Variants in ALDH6A1 observed in about 807,000 individuals in gnomAD.
ALDH6A1 encodes aldehyde dehydrogenase 6 family member A1, also known as methylmalonate-semialdehyde/malonate-semialdehyde dehydrogenase [acylating], mitochondrial.
A neutral mutation model predicts 62.6 loss-of-function variants in ALDH6A1; 43 were observed. The observed-to-expected ratio is 0.69, with a 90% confidence interval of 0.54 to 0.89. The LOEUF (loss-of-function observed/expected upper bound fraction) is 0.89, where lower values mean the gene tolerates loss of function less well. Among genes scored for constraint, ALDH6A1 ranks in the 40% least tolerant of loss-of-function variants. The probability of loss-of-function intolerance (pLI) is 0.00; values close to 1 mark genes in which losing one functional copy is unlikely to be tolerated. For synonymous variants in ALDH6A1, 194 were observed against 234.2 expected (o/e 0.83, Z 1.57); for missense variants, 551 against 661.3 (o/e 0.83, Z 1.83).
chr14:74,078,162 C>T (rs1256300625), intron 1 of ALDH6A1: 1 of 454,908 alleles, frequency 2.2e-6, no homozygotes, highest in Non-Finnish European at 4.4e-6. Context: ...TCCTCTTGTA[C>T]TTTCAGGAGC....
intron 2 of ALDH6A1, 22 bp downstream of exon 2, chr14:74,074,933 C>T (rs749823746): frequency 1.6e-5 from 26 of 1,611,796 alleles, no homozygotes; most frequent in Non-Finnish European, 2.2e-5. Context: ...CAGAAGTCAA[C>T]CTCTATGCCA....
At chr14:74,066,643 T>G in intron 9 of ALDH6A1, 62 bp downstream of exon 9, 240 of 1,439,292 alleles carry the variant, frequency 1.7e-4, no homozygotes, top group Non-Finnish European at 2.2e-4. Context: ...ATTAGAGGGA[T>G]GAGATTCTAT....
chr14:74,072,670 T>G, intron 2 of ALDH6A1, 59 bp from the exon 3 acceptor site: 59 of 1,516,364 alleles, frequency 3.9e-5, no homozygotes, highest in Non-Finnish European at 5.0e-5. Flanking sequence ...TATTAGCTAA[T>G]TGCTTTGCTT....
intron 1 of ALDH6A1, among the ~76,000 whole-genome samples, chr14:74,078,938 T>A (rs1242053462): frequency 3.3e-5 from 5 of 151,814 alleles, no homozygotes; most frequent in African/African-American, 1.2e-4. Flanking sequence ...GTGCTGGGAT[T>A]ACAGGGGTGA....
At chr14:74,066,316 TG>T (rs1408497375) in intron 9 of ALDH6A1, among the ~76,000 whole-genome samples, 1 of 152,168 alleles carries the variant, frequency 6.6e-6, no homozygotes, top group Non-Finnish European at 1.5e-5. Flanking sequence ...TTTAAATGGT[TG>T]AAAAAAAATT....
At chr14:74,083,014 T>C (rs1222246553) in intron 1 of ALDH6A1, among the ~76,000 whole-genome samples, 1 of 152,166 alleles carries the variant, frequency 6.6e-6, no homozygotes, top group African/African-American at 2.4e-5. Context: ...GGTGGAAACT[T>C]TGTTTTCCTG....
In ALDH6A1 at chr14:74,057,011, T is replaced by C; in HGVS notation, c.*3631A>G. ...AGCTCTCTTGCTTAAGTAATAAACA[T>C]GAGCCCAACACGATGGTTCTTGTGG... On this transcript the variant is annotated 3_prime_UTR_variant, in exon 12 of 12. Transcript: ENST00000553458. The C allele has an allele frequency of 1.3e-6, 2 of 1,593,016 alleles. No individual in the cohort carries two copies. Among genetic ancestry groups the C allele is most frequent in the South Asian group, 1.1e-5 (1 of 90,146 alleles).
intron 9 of ALDH6A1, 27 bp downstream of exon 9, chr14:74,066,678 C>G: frequency 1.9e-6 from 3 of 1,608,464 alleles, no homozygotes; most frequent in Non-Finnish European, 2.6e-6. Flanking sequence ...CTTCAGCTCT[C>G]ATATTTGTGA....
chr14:74,062,051 GAAAAAAAAAAAAAAAAAA>G (rs369414700), intron 11 of ALDH6A1, among the ~76,000 whole-genome samples: 1 of 59,578 alleles, frequency 1.7e-5, no homozygotes, highest in Non-Finnish European at 3.2e-5. Flanking sequence ...TCTCTACTGG[GAAAAAAAAAAAAAAAAAA>G]AAAAAAAAAA....
chr14:74,059,527 C>A lies in ALDH6A1; in HGVS notation c.*1115G>T. The A allele has an allele frequency of 2.8e-6, 1 of 352,670 alleles. No homozygotes were observed. The highest frequency in any genetic ancestry group is 5.5e-6 in the Non-Finnish European group (1 of 180,696). The allele number at this position is 352,670 out of a possible 1,614,324, so 21.8% of individuals were successfully genotyped here. On this transcript the variant is annotated 3_prime_UTR_variant, in exon 12 of 12. Transcript: ENST00000553458. ...CCTGACCAACACGGAGAAACCCCGT[C>A]TCTACTAAAAATACAAAATTAGCTG...
chr14:74,083,420 C>T (rs558681321), intron 1 of ALDH6A1, among the ~76,000 whole-genome samples: 1 of 152,202 alleles, frequency 6.6e-6, no homozygotes, highest in Non-Finnish European at 1.5e-5. Flanking sequence ...CTCAGGCATG[C>T]AACTCCTGTA....
At chr14:74,061,319 TGA>T in intron 11 of ALDH6A1, among the ~76,000 whole-genome samples, 1 of 129,698 alleles carries the variant, frequency 7.7e-6, no homozygotes, top group South Asian at 3.7e-4. Context: ...TTATTTATTT[TGA>T]GACAGAGTCT....
Position 74,074,962 on chromosome 14 carries a change from G to A in ALDH6A1, c.104C>T (p.Ser35Phe), listed in dbSNP as rs759168077. ...PTWYSASSFS[S>F]SVPTVKLFIG... is the part of the protein sequence containing the mutation. The stretch of plus-strand genomic sequence containing the variant: ...TATGCCAAATAAACTCACCACTGAA[G>A]AAGAGAAGGAAGATGCTGAATACCA... Residue 35 changes from serine to phenylalanine, a missense_variant, in exon 2 of 12, where the codon TCT becomes TTT. Coordinates refer to ENST00000553458, the MANE Select transcript of ALDH6A1 (RefSeq NM_005589.4). 1 of 1,614,020 alleles carries A rather than the reference G, an allele frequency of 6.2e-7. No homozygotes were observed. Among genetic ancestry groups the A allele is most frequent in the South Asian group, 1.1e-5 (1 of 91,084 alleles).
chr14:74,067,382 G>A lies in ALDH6A1; in HGVS notation c.1040C>T (p.Ala347Val). ...VEHAKNLRVN[A>V]GDQPGADLGP... ...GGGCAAGTCAGGTGATTGATTACCT[G>A]CATTGACTCTCAGGTTTTTGGCATG... is the stretch of plus-strand genomic sequence containing the variant. The change falls in exon 8 of 12, where the codon GCA (alanine) becomes GTA (valine). Residue 347 changes from alanine (A) to valine (V), a missense_variant and splice_region_variant. By Grantham distance (64) the Ala-to-Val change is moderately conservative (BLOSUM62 0). Coordinates refer to ENST00000553458, the MANE Select transcript of ALDH6A1 (RefSeq NM_005589.4). 1 of 1,613,004 alleles carries A rather than the reference G, an allele frequency of 6.2e-7. No homozygotes were observed. The highest frequency in any genetic ancestry group is 8.5e-7 in the Non-Finnish European group (1 of 1,180,026).
chr14:74,080,667 T>C (rs929566838), intron 1 of ALDH6A1, among the ~76,000 whole-genome samples: 11 of 152,144 alleles, frequency 7.2e-5, no homozygotes, highest in Non-Finnish European at 1.3e-4. Flanking sequence ...GGTTTTGAAC[T>C]CTTAGCCTCA....
At position 74,064,937 on chromosome 14, in the gene ALDH6A1, C is replaced by T. The variant is rs746374534; in HGVS notation, c.1405-17G>A. On this transcript the variant is annotated splice_polypyrimidine_tract_variant and intron_variant, in intron 10 of 11. Transcript: ENST00000553458. ...CACTCCCACCTAAAACAGAACAAAT[C>T]CGTGTCATATCCTAAGGACAAAGGA... 6.2e-7 allele frequency: 1 copy of T among 1,605,824 alleles called. No homozygotes were observed.
intron 1 of ALDH6A1, among the ~76,000 whole-genome samples, chr14:74,084,111 G>A (rs533338267): frequency 6.6e-6 from 1 of 152,290 alleles, no homozygotes; most frequent in Admixed American, 6.5e-5. Context: ...CCAGAAAAGA[G>A]GAGGCTTAGG....
At chr14:74,077,302 C>G (rs2060622920) in intron 1 of ALDH6A1, among the ~76,000 whole-genome samples, 1 of 152,160 alleles carries the variant, frequency 6.6e-6, no homozygotes, top group African/African-American at 2.4e-5. Context: ...TGAAAGCAGC[C>G]AATACTTCCC....
At position 74,059,778 on chromosome 14, in the gene ALDH6A1, C is replaced by T. The variant is rs930964814; in HGVS notation, c.*864G>A. ...ATGATTGCTGAAGAGAACCCTGAAA[C>T]TTAGTACTTGGCACATATAACAAAA... On this transcript the variant is annotated 3_prime_UTR_variant, in exon 12 of 12. Transcript: ENST00000553458. 9 of 158,092 alleles carry T rather than the reference C, an allele frequency of 5.7e-5. No individual in the cohort carries two copies. Among genetic ancestry groups the T allele is most frequent in the African/African-American group, 1.7e-4 (7 of 41,480 alleles). The allele number at this position is 158,092 out of a possible 1,614,324, so 9.8% of individuals were successfully genotyped here.
Sources: gnomAD v4.1 joint callset for allele counts (sites outside exome capture counted in the v4.1 genomes callset) on GRCh38, gnomAD v4.1.1 for gene constraint, MANE v1.5 for transcripts, NCBI Gene and HGNC (gene_info 2026-07-23, HGNC 2026-07-21) for gene names.